Variants in ZMAT4 observed in about 807,000 individuals in gnomAD.
The protein encoded by ZMAT4 is zinc finger matrin-type protein 4.
A neutral mutation model predicts 28.7 loss-of-function variants in ZMAT4; 17 were observed. The observed-to-expected ratio is 0.59, with a 90% CI of 0.41 to 0.89. The LOEUF is 0.89. Ranked by LOEUF, ZMAT4 falls within the 40% of genes least tolerant of loss-of-function variation. ZMAT4 has a pLI of 0.00. For synonymous variants in ZMAT4, 117 were observed against 109.2 expected, an observed-to-expected ratio of 1.07 and a Z score of -0.44; for missense variants, 240 against 283.8, an observed-to-expected ratio of 0.85 and a Z score of 1.11.
intron 3 of ZMAT4, among the ~76,000 whole-genome samples, chr8:40,708,855 G>T (rs972691481): frequency 3.3e-5 from 5 of 151,418 alleles, no homozygotes; most frequent in African/African-American, 1.2e-4. Context: ...CACCATGTTG[G>T]CCAGGCTAGT....
chr8:40,571,415 T>C (rs1804094376), intron 6 of ZMAT4, among the ~76,000 whole-genome samples: 1 of 152,176 alleles, frequency 6.6e-6, no homozygotes, highest in East Asian at 1.9e-4. Flanking sequence ...CTACTGCCTT[T>C]TCCATGTGAG....
chr8:40,564,533 A>G (rs1047671889), intron 6 of ZMAT4, among the ~76,000 whole-genome samples: 1 of 152,178 alleles, frequency 6.6e-6, no homozygotes, highest in Admixed American at 6.6e-5. Flanking sequence ...GACAAAAGTA[A>G]AGTTTTCCTC....
At chr8:40,865,975 T>C (rs147910369) in intron 1 of ZMAT4, among the ~76,000 whole-genome samples, 1 of 152,058 alleles carries the variant, frequency 6.6e-6, no homozygotes, top group Non-Finnish European at 1.5e-5. Context: ...GCCCCAGGAG[T>C]GCCCTCTGTG....
intron 3 of ZMAT4, among the ~76,000 whole-genome samples, chr8:40,725,668 G>A (rs1011717158): frequency 1.3e-5 from 2 of 152,138 alleles, no homozygotes; most frequent in African/African-American, 2.4e-5. Flanking sequence ...ATTTCCAGGA[G>A]GCTGAGGCAG....
chr8:40,540,583 C>G (rs1051572131), intron 6 of ZMAT4, among the ~76,000 whole-genome samples: 1 of 152,148 alleles, frequency 6.6e-6, no homozygotes. Flanking sequence ...AGCTCTCTCC[C>G]GAGTTCTGAC....
chr8:40,739,097 A>AT (rs34720521), intron 3 of ZMAT4, among the ~76,000 whole-genome samples: 3 of 152,304 alleles, frequency 2.0e-5, no homozygotes, highest in African/African-American at 7.2e-5. Flanking sequence ...AAATTAAATA[A>AT]TTTTTTCAAG....
chr8:40,727,097 G>A (rs962877875), intron 3 of ZMAT4, among the ~76,000 whole-genome samples: 2 of 152,206 alleles, frequency 1.3e-5, no homozygotes, highest in African/African-American at 4.8e-5. Flanking sequence ...AACAAAGGGA[G>A]AGGGAATTTA....
chr8:40,698,186 A>G (rs1453854162), intron 3 of ZMAT4, among the ~76,000 whole-genome samples: 2 of 152,030 alleles, frequency 1.3e-5, no homozygotes, highest in Non-Finnish European at 2.9e-5. Flanking sequence ...AGTTTGTGTA[A>G]TTTTCCTTTT....
intron 1 of ZMAT4, among the ~76,000 whole-genome samples, chr8:40,889,992 G>C (rs1382789791): frequency 6.6e-6 from 1 of 152,146 alleles, no homozygotes; most frequent in East Asian, 1.9e-4. Context: ...AGCAACACTG[G>C]ATATTACATT....
At chr8:40,636,489 G>A (rs1304904186) in intron 5 of ZMAT4, among the ~76,000 whole-genome samples, 4 of 152,166 alleles carry the variant, frequency 2.6e-5, no homozygotes, top group African/African-American at 9.7e-5. Flanking sequence ...GTGTTCAGAA[G>A]GTCAGCTTCA....
At chr8:40,843,672 T>C (rs1286135097) in intron 1 of ZMAT4, among the ~76,000 whole-genome samples, 2 of 152,178 alleles carry the variant, frequency 1.3e-5, no homozygotes, top group African/African-American at 4.8e-5. Context: ...CAATATTGAC[T>C]CAACAGCTGC....
intron 2 of ZMAT4, among the ~76,000 whole-genome samples, chr8:40,774,455 T>G (rs918506312): frequency 6.6e-6 from 1 of 152,056 alleles, no homozygotes; most frequent in Non-Finnish European, 1.5e-5. Context: ...GGATGGAAAT[T>G]TTGTAATATA....
At chr8:40,782,368 G>C (rs1368926137) in intron 2 of ZMAT4, among the ~76,000 whole-genome samples, 1 of 152,098 alleles carries the variant, frequency 6.6e-6, no homozygotes, top group Non-Finnish European at 1.5e-5. Context: ...CCTGGTGATA[G>C]AGCAAGACTC....
At chr8:40,819,230 G>A (rs144436380) in intron 2 of ZMAT4, among the ~76,000 whole-genome samples, 1 of 152,058 alleles carries the variant, frequency 6.6e-6, no homozygotes, top group African/African-American at 2.4e-5. Flanking sequence ...GGGCTAAAAG[G>A]GCTCTTTCAC....
chr8:40,761,948 A>G (rs1812958056), intron 3 of ZMAT4, among the ~76,000 whole-genome samples: 1 of 152,200 alleles, frequency 6.6e-6, no homozygotes, highest in Admixed American at 6.5e-5. Flanking sequence ...AAAGTTGTGA[A>G]ACTCATGCGT....
At chr8:40,567,972 T>C (rs924202775) in intron 6 of ZMAT4, among the ~76,000 whole-genome samples, 2 of 152,134 alleles carry the variant, frequency 1.3e-5, no homozygotes, top group Admixed American at 6.5e-5. Context: ...TGTATATATG[T>C]TTAATAATAA....
At chr8:40,799,205 G>A (rs11986034) in intron 2 of ZMAT4, among the ~76,000 whole-genome samples, 20,167 of 139,508 alleles carry the variant, frequency 0.14, 1,886 homozygotes, top group East Asian at 0.35. Flanking sequence ...AAGGATAGAT[G>A]GGTGGATGGA....
chr8:40,805,020 A>G (rs1245802281), intron 2 of ZMAT4, among the ~76,000 whole-genome samples: 1 of 151,574 alleles, frequency 6.6e-6, no homozygotes, highest in Non-Finnish European at 1.5e-5. Context: ...CAACCTACAA[A>G]ATGGGAGAAA....
intron 1 of ZMAT4, among the ~76,000 whole-genome samples, chr8:40,837,612 A>C (rs1816543143): frequency 6.6e-6 from 1 of 152,224 alleles, no homozygotes; most frequent in African/African-American, 2.4e-5. Flanking sequence ...CTGAGAGTCC[A>C]GAGACCAAAC....
Sources: gnomAD v4.1 joint callset for allele counts (sites outside exome capture counted in the v4.1 genomes callset) on GRCh38, gnomAD v4.1.1 for gene constraint, MANE v1.5 for transcripts, NCBI Gene and HGNC (gene_info 2026-07-23, HGNC 2026-07-21) for gene names.